Variants in ATP11A observed in about 807,000 individuals in gnomAD.
ATP11A encodes the protein ATPase phospholipid transporting 11A, also known as phospholipid-transporting ATPase IH.
In ATP11A, 81 loss-of-function variants were observed where a neutral mutation model predicts 154.4. The observed-to-expected ratio is 0.52, with a 90% confidence interval of 0.44 to 0.63. The LOEUF is 0.63. Among genes scored for constraint, ATP11A ranks in the 30% least tolerant of loss-of-function variants. ATP11A has a pLI of 0.00. For synonymous variants in ATP11A, 623 were observed against 585.9 expected, an observed-to-expected ratio of 1.06 and a Z score of -0.91; for missense variants, 1,316 against 1,474.3, an observed-to-expected ratio of 0.89 and a Z score of 1.76.
intron 25 of ATP11A, 37 bp downstream of exon 25, chr13:112,862,612 T>C (rs978034826): frequency 6.2e-7 from 1 of 1,613,440 alleles, no homozygotes; most frequent in Admixed American, 1.7e-5. Context: ...CTTAGCTGCT[T>C]AGGAATAAAG....
chr13:112,711,530 AAGC>A (rs761934843), intron 1 of ATP11A, among the ~76,000 whole-genome samples: 66 of 152,092 alleles, frequency 4.3e-4, no homozygotes, highest in South Asian at 1.0e-3. Flanking sequence ...AAAAAAAAAA[AAGC>A]AGCCCAGGGA....
chr13:112,769,967 A>C (rs2077187997), intron 1 of ATP11A, among the ~76,000 whole-genome samples: 1 of 152,058 alleles, frequency 6.6e-6, no homozygotes, highest in Admixed American at 6.5e-5. Flanking sequence ...GGTGAATCGC[A>C]TGAAATCAGC....
rs770116199 is a variant in ATP11A, at chr13:112,785,091, G to T, written c.40-44G>T. 2 of 1,410,038 alleles carry T rather than the reference G, an allele frequency of 1.4e-6. No homozygotes were observed. Among genetic ancestry groups the T allele is most frequent in the Non-Finnish European group, 1.9e-6 (2 of 1,073,344 alleles). 87.3% of individuals were successfully genotyped at this position (1,410,038 alleles called of 1,614,324 possible). A position where few individuals can be genotyped will look rare whatever the true frequency, so the allele number is the denominator to read the frequency against. On this transcript the variant is annotated intron_variant, in intron 1 of 29. Coordinates refer to ENST00000375645, the MANE Select transcript of ATP11A (RefSeq NM_015205.3). This position sits in a 1 kb window ranked among gnomAD's most constrained non-coding sequence, Gnocchi z 4.8. ...AACACTCTGGGCAAGAGCTTTTGAT[G>T]CAGGTTCTGAGGCAGCTGCCTAACA...
At chr13:112,854,929 AGACGAAG>A (rs1259081735) in intron 19 of ATP11A, among the ~76,000 whole-genome samples, 1 of 152,268 alleles carries the variant, frequency 6.6e-6, no homozygotes, top group Non-Finnish European at 1.5e-5. Context: ...TGTTCGTCTA[AGACGAAG>A]CAGTACATGC....
Position 112,765,723 on chromosome 13 carries a change from T to C in ATP11A, c.40-19412T>C, listed in dbSNP as rs1422964165. Among the ~76,000 whole-genome samples the C allele has an allele frequency of 2.6e-5, 4 of 152,374 alleles. No homozygotes were observed. The South Asian group carries it at 6.2e-4, about 24-fold the overall frequency. On this transcript the variant is annotated intron_variant, in intron 1 of 29. Transcript: ENST00000375645. ...CTCAGGTGCTAAATACTCCAGTTAGTGTGGGGAAATGTCTCTGAGAACGAA... is the reference window on the plus strand; with the variant it reads ...CTCAGGTGCTAAATACTCCAGTTAGCGTGGGGAAATGTCTCTGAGAACGAA...
chr13:112,757,931 G>A (rs1200714136), intron 1 of ATP11A, among the ~76,000 whole-genome samples: 1 of 152,226 alleles, frequency 6.6e-6, no homozygotes, highest in Non-Finnish European at 1.5e-5. Context: ...AGGGGCCAGC[G>A]TGGTGGGGTT....
At chr13:112,790,881 C>CA (rs1594710651) in intron 2 of ATP11A, among the ~76,000 whole-genome samples, 2 of 152,238 alleles carry the variant, frequency 1.3e-5, no homozygotes, top group East Asian at 3.9e-4. Context: ...TACAGGATTG[C>CA]AAAAAATTTT....
At position 112,859,358 on chromosome 13, in the gene ATP11A, C is replaced by T. The variant is rs775238075; in HGVS notation, c.2668-35C>T. 1.1e-5 allele frequency: 18 copies of T among 1,599,510 alleles called. No homozygotes were observed. The highest frequency in any genetic ancestry group is 1.7e-4 in the Middle Eastern group (1 of 6,042). The stretch of plus-strand genomic sequence containing the variant: ...AGGTGGCGGCTGCCTCCCTCTGTCC[C>T]GTCACCGAACTAACAGTTATGCCTT... On this transcript the variant is annotated intron_variant, in intron 22 of 29. Transcript: ENST00000375645. This position sits in a 1 kb window ranked among gnomAD's most constrained non-coding sequence, Gnocchi z 4.3.
chr13:112,871,908 A>G, intron 26 of ATP11A, 108 bp downstream of exon 26: 2 of 1,228,542 alleles, frequency 1.6e-6, no homozygotes, highest in East Asian at 2.4e-5. Context: ...TGAGGCTGGA[A>G]GCCACTCTCC....
In ATP11A at chr13:112,882,732, C is replaced by T; in HGVS notation, c.*866C>T. On this transcript the variant is annotated 3_prime_UTR_variant, in exon 30 of 30. Coordinates refer to ENST00000375645, the MANE Select transcript of ATP11A (RefSeq NM_015205.3). The surrounding 1 kb of genome is among the most constrained non-coding windows in gnomAD (Gnocchi z 5.1). ...CAGAAGTGCCAGGATGTCCATCAGC[C>T]ACTCGCCAGGGCACGGAGCCGTCAG... is the stretch of plus-strand genomic sequence containing the variant. 1 of 399,840 alleles carries T rather than the reference C, an allele frequency of 2.5e-6. No individual in the cohort carries two copies. The highest frequency in any genetic ancestry group is 4.4e-6 in the Non-Finnish European group (1 of 227,064). 24.8% of individuals were successfully genotyped at this position (399,840 alleles called of 1,614,324 possible).
In ATP11A at chr13:112,864,651, G is replaced by C. The variant is rs9603969; in HGVS notation, c.2991+2076G>C. On this transcript the variant is annotated intron_variant, in intron 25 of 29. Coordinates refer to ENST00000375645, the MANE Select transcript of ATP11A (RefSeq NM_015205.3). ...TCCCAGCGGGGTCCATCACCACATGGGCAGTAATTCAGTGCGGCCCATGCA... is the reference window on the plus strand; with the variant it reads ...TCCCAGCGGGGTCCATCACCACATGCGCAGTAATTCAGTGCGGCCCATGCA... Among the ~76,000 whole-genome samples, 128 of 20,598 alleles carry C rather than the reference G, an allele frequency of 6.2e-3. 7 individuals are homozygous for C. The highest frequency in any genetic ancestry group is 0.029 in the Middle Eastern group (1 of 34). The allele number at this position is 20,598 out of a possible 152,430, so 13.5% of individuals were successfully genotyped here.
intron 1 of ATP11A, among the ~76,000 whole-genome samples, chr13:112,755,589 C>T (rs1244507764): frequency 6.6e-6 from 1 of 152,162 alleles, no homozygotes; most frequent in African/African-American, 2.4e-5. Context: ...CTCAGAGCAG[C>T]TCCCAGAACC....
Position 112,696,379 on chromosome 13 carries a change from C to T in ATP11A, c.39+5924C>T, listed in dbSNP as rs1885804711. Among the ~76,000 whole-genome samples, 1 of 152,132 alleles carries T rather than the reference C, an allele frequency of 6.6e-6. No individual in the cohort carries two copies. The highest frequency in any genetic ancestry group is 1.5e-5 in the Non-Finnish European group (1 of 68,014). ...GCTCTCCCGGGGAGAGCGGTGGTCACTGGTGGGAACGCCCCTGCCACGCCC... is the reference window on the plus strand; with the variant it reads ...GCTCTCCCGGGGAGAGCGGTGGTCATTGGTGGGAACGCCCCTGCCACGCCC... On this transcript the variant is annotated intron_variant, in intron 1 of 29. Transcript: ENST00000375645. The surrounding 1 kb of genome is among the most constrained non-coding windows in gnomAD (Gnocchi z 6.2).
intron 17 of ATP11A, among the ~76,000 whole-genome samples, chr13:112,844,407 G>A (rs988903769): frequency 6.6e-6 from 1 of 152,146 alleles, no homozygotes; most frequent in African/African-American, 2.4e-5. Context: ...ATTGACACAC[G>A]AACACACAGG....
chr13:112,691,430 C>T (rs1885157252), intron 1 of ATP11A, among the ~76,000 whole-genome samples: 1 of 147,440 alleles, frequency 6.8e-6, no homozygotes, highest in South Asian at 2.1e-4. Flanking sequence ...AGCCACTGCA[C>T]TCCAACCTGG....
chr13:112,694,981 A>G (rs530642630), intron 1 of ATP11A, among the ~76,000 whole-genome samples: 2 of 152,306 alleles, frequency 1.3e-5, no homozygotes, highest in Admixed American at 1.3e-4. Context: ...TTATTACCGA[A>G]TGGTGTATAA....
At chr13:112,821,965 C>G (rs1407734980) in intron 8 of ATP11A, among the ~76,000 whole-genome samples, 1 of 152,132 alleles carries the variant, frequency 6.6e-6, no homozygotes, top group East Asian at 1.9e-4. Flanking sequence ...GGAGGACGCG[C>G]GTGGAGCCCT....
chr13:112,831,712 G>A (rs1566544199), intron 13 of ATP11A, among the ~76,000 whole-genome samples, 164 bp downstream of exon 13: 1 of 152,296 alleles, frequency 6.6e-6, no homozygotes, highest in East Asian at 1.9e-4. Context: ...GTCCCGTTAG[G>A]ACACATCTGC....
chr13:112,814,897 T>C (rs1228415802), intron 5 of ATP11A, among the ~76,000 whole-genome samples: 2 of 152,226 alleles, frequency 1.3e-5, no homozygotes, highest in African/African-American at 4.8e-5. Flanking sequence ...AAATCCTTGC[T>C]GGGATTTTGA....
Sources: gnomAD v4.1 joint callset for allele counts (sites outside exome capture counted in the v4.1 genomes callset) on GRCh38, gnomAD v4.1.1 for gene constraint, Gnocchi (gnomAD v3.1) non-coding constraint, MANE v1.5 for transcripts, NCBI Gene and HGNC (gene_info 2026-07-23, HGNC 2026-07-21) for gene names.